Variants in FER1L5 observed in about 807,000 individuals in gnomAD.
FER1L5 encodes the protein fer-1 like family member 5.
A neutral mutation model predicts 279.9 loss-of-function variants in FER1L5; 187 were observed. The observed-to-expected ratio is 0.67, with a 90% confidence interval of 0.59 to 0.75. The LOEUF (loss-of-function observed/expected upper bound fraction) is 0.75, where lower values mean the gene tolerates loss of function less well. Among genes scored for constraint, FER1L5 ranks in the 30% least tolerant of loss-of-function variants. FER1L5 has a pLI of 0.00. For missense variants in FER1L5, 2,091 were observed against 2,594.4 expected (o/e 0.81, Z 4.21); for synonymous variants, 921 against 989.7 (o/e 0.93, Z 1.30).
At chr2:96,659,293 C>T (rs143265316) in intron 9 of FER1L5, among the ~76,000 whole-genome samples, 859 of 20,586 alleles carry the variant, frequency 0.042, 11 homozygotes, top group African/African-American at 0.097. Flanking sequence ...ATCAAGCTTT[C>T]CTTCCTTCCT....
chr2:96,651,744 C>T (rs1263388803), intron 6 of FER1L5, 148 bp from the exon 7 acceptor site: 19 of 1,123,446 alleles, frequency 1.7e-5, no homozygotes, highest in South Asian at 9.2e-5. Context: ...TGGGCTCAAG[C>T]GATTCTCCCA....
chr2:96,692,284 G>C, intron 31 of FER1L5, 103 bp downstream of exon 31: 1 of 1,280,416 alleles, frequency 7.8e-7, no homozygotes, highest in South Asian at 1.3e-5. Flanking sequence ...TGCAGTCCCA[G>C]CCAGGGCCCC....
At chr2:96,687,412 C>A (rs1486661799) in intron 23 of FER1L5, among the ~76,000 whole-genome samples, 1 of 152,266 alleles carries the variant, frequency 6.6e-6, no homozygotes, top group East Asian at 1.9e-4. Flanking sequence ...CCATGCCCAG[C>A]CCTCAGCATG....
chr2:96,688,619 C>T (rs1237118062), intron 24 of FER1L5, among the ~76,000 whole-genome samples: 2 of 152,114 alleles, frequency 1.3e-5, no homozygotes, highest in Admixed American at 6.5e-5. Flanking sequence ...TTAAAACATA[C>T]GTTTGCAGTG....
chr2:96,647,987 C>T, intron 4 of FER1L5, 101 bp downstream of exon 4: 2 of 818,782 alleles, frequency 2.4e-6, no homozygotes, highest in South Asian at 3.1e-5. Context: ...TGGGGGGCCC[C>T]ATCACACTGC....
At chr2:96,681,524 G>A (rs2076723180) in intron 19 of FER1L5, among the ~76,000 whole-genome samples, 1 of 152,032 alleles carries the variant, frequency 6.6e-6, no homozygotes, top group Non-Finnish European at 1.5e-5. Context: ...GAGAACCAGT[G>A]TTCTCTTTAA....
In FER1L5 at chr2:96,691,873, T is replaced by C; in HGVS notation, c.3124T>C (p.Trp1042Arg). ...TGGGAAGGAAGAGGACAGCAAGACA[T>C]GGCCATGGGGTCTGGACAGACAGTT... The part of the protein sequence containing the change: ...HAGKEEDSKT[W>R]PWGLDRQFRD... The change falls in exon 30 of 53, where the codon TGG (tryptophan) becomes CGG (arginine). Residue 1042 changes from tryptophan to arginine, a missense_variant. By Grantham distance (101) the Trp-to-Arg change is moderately radical (BLOSUM62 -3). Coordinates refer to ENST00000624922, the MANE Select transcript of FER1L5 (RefSeq NM_001293083.2). The surrounding 1 kb of genome is among the most constrained non-coding windows in gnomAD (Gnocchi z 6.0). 6.4e-7 allele frequency: 1 copy of C among 1,551,502 alleles called. No individual in the cohort carries two copies. The highest frequency in any genetic ancestry group is 8.7e-7 in the Non-Finnish European group (1 of 1,146,980).
intron 51 of FER1L5, among the ~76,000 whole-genome samples, 195 bp downstream of exon 51, chr2:96,703,827 T>TG (rs926684187): frequency 1.3e-5 from 2 of 148,814 alleles, no homozygotes; most frequent in African/African-American, 5.0e-5. Flanking sequence ...TTTTTTTTTT[T>TG]TTTTTGAGAT....
intron 45 of FER1L5, 85 bp downstream of exon 45, chr2:96,700,556 C>T (rs2077553937): frequency 3.2e-6 from 5 of 1,573,490 alleles, no homozygotes; most frequent in Non-Finnish European, 4.3e-6. Context: ...AGGACATAGT[C>T]CACGAGAGGA....
At chr2:96,677,002 C>T (rs989578232) in intron 19 of FER1L5, among the ~76,000 whole-genome samples, 3 of 152,124 alleles carry the variant, frequency 2.0e-5, no homozygotes, top group Non-Finnish European at 2.9e-5. Context: ...CCACCACGCC[C>T]AGCTAATTTT....
chr2:96,647,148 A>C lies in FER1L5; in HGVS notation c.223A>C (p.Lys75Gln). 2.6e-6 allele frequency: 4 copies of C among 1,551,614 alleles called. No homozygotes were observed. Among genetic ancestry groups the C allele is most frequent in the Non-Finnish European group, 3.5e-6 (4 of 1,146,948 alleles). Residue 75 changes from lysine to glutamine, a missense_variant, in exon 3 of 53, where the codon AAA (lysine) becomes CAA (glutamine). Transcript: ENST00000624922. ...CCTTCAGGACATGGGCTCACAAAAG[A>C]AAGAAAGGTGAGGCAGAGAGAGGCA... ...VTLQDMGSQK[K>Q]ERFIGLATVL... is the part of the protein sequence containing the mutation.
At chr2:96,683,250 CAG>C (rs1467324914) in intron 19 of FER1L5, among the ~76,000 whole-genome samples, 1 of 152,180 alleles carries the variant, frequency 6.6e-6, no homozygotes, top group Non-Finnish European at 1.5e-5. Context: ...AGTTCAAAGT[CAG>C]GGTGTCAGTG....
intron 19 of FER1L5, among the ~76,000 whole-genome samples, chr2:96,679,983 T>A (rs1049490984): frequency 6.6e-6 from 1 of 151,982 alleles, no homozygotes; most frequent in East Asian, 1.9e-4. Flanking sequence ...CTTCAGGGAG[T>A]GTGTTTTTGC....
rs768800882 is a variant in FER1L5 at position 96,704,592 on chromosome 2, C to A, written c.6074C>A (p.Pro2025Gln). 4 of 1,613,962 alleles carry A rather than the reference C, an allele frequency of 2.5e-6. No individual in the cohort carries two copies. The South Asian group carries it at 4.4e-5, about 18-fold the overall frequency. Reference sequence around the variant, plus strand: ...TCTTCCATCCTTCCCACCCAGGATCCAAACCTAAAGCCTACAATAGACCAT... The same window carrying A: ...TCTTCCATCCTTCCCACCCAGGATCAAAACCTAAAGCCTACAATAGACCAT... ...ASSSILPTQD[P>Q]NLKPTIDHEW... Residue 2025 changes from proline to glutamine, a missense_variant, in exon 53 of 53, where the codon CCA becomes CAA. Transcript: ENST00000624922.
At chr2:96,686,812 C>T (rs1283700733) in intron 23 of FER1L5, among the ~76,000 whole-genome samples, 3 of 136,910 alleles carry the variant, frequency 2.2e-5, no homozygotes, top group African/African-American at 8.5e-5. Context: ...GAGCTGAGAT[C>T]GTGACACTGT....
chr2:96,692,979 C>T (rs555457205), intron 31 of FER1L5, among the ~76,000 whole-genome samples: 72 of 152,196 alleles, frequency 4.7e-4, no homozygotes, highest in Middle Eastern at 3.4e-3. Flanking sequence ...AATTCGAGAC[C>T]AGCCTGGCCA....
rs1237809476 is a variant in FER1L5 at position 96,695,874 on chromosome 2, G to A, written c.4027G>A (p.Ala1343Thr). 17 of 1,613,512 alleles carry A rather than the reference G, an allele frequency of 1.1e-5. No individual in the cohort carries two copies. Among genetic ancestry groups the A allele is most frequent in the Admixed American group, 1.7e-5 (1 of 59,954 alleles). The change falls in exon 36 of 53, where the codon GCT becomes ACT. Residue 1343 changes from alanine (A) to threonine (T), a missense_variant. By Grantham distance (58) the Ala-to-Thr change is moderately conservative (BLOSUM62 0). Transcript: ENST00000624922. ...FLQPYFCDPW[A>T]QDYMHPKLPT... ...CCAGCCCTACTTCTGTGACCCCTGG[G>A]CTCAAGACTATATGCACCCAAAGCT...
intron 9 of FER1L5, among the ~76,000 whole-genome samples, chr2:96,659,290 T>TGCCTTCCTGCCTTCCTGCC (rs2075732527): frequency 1.2e-5 from 1 of 80,942 alleles, no homozygotes; most frequent in East Asian, 3.2e-4. Flanking sequence ...TTTATCAAGC[T>TGCCTTCCTGCCTTCCTGCC]TTCCTTCCTT....
Position 96,691,475 on chromosome 2 carries a change from G to C in FER1L5, c.2938G>C (p.Glu980Gln), listed in dbSNP as rs2077144520. The C allele has an allele frequency of 6.5e-7, 1 of 1,547,890 alleles. No homozygotes were observed. Among genetic ancestry groups the C allele is most frequent in the Non-Finnish European group, 8.7e-7 (1 of 1,145,368 alleles). Residue 980 changes from glutamate (E) to glutamine (Q), a missense_variant, in exon 29 of 53, where the codon GAG (glutamate) becomes CAG (glutamine). Transcript: ENST00000624922. This position sits in a 1 kb window ranked among gnomAD's most constrained non-coding sequence, Gnocchi z 6.0. ...GGCCAAGGGCGAGGAGGAGGGCTGG[G>C]AGTATGACACCTTCGGCTCCAAGTT... is the stretch of plus-strand genomic sequence containing the variant. ...GLAKGEEEGW[E>Q]YDTFGSKFHL...
Sources: allele counts gnomAD v4.1 joint callset (sites outside exome capture counted in the v4.1 genomes callset), GRCh38; gene constraint gnomAD v4.1.1; non-coding constraint Gnocchi (gnomAD v3.1); transcripts MANE v1.5; gene names NCBI Gene and HGNC (gene_info 2026-07-23, HGNC 2026-07-21).